Variants in HSD17B14 observed in about 807,000 individuals in gnomAD.
The protein encoded by HSD17B14 is L-fucose dehydrogenase.
In HSD17B14, 32 loss-of-function variants were observed where a neutral mutation model predicts 32.2. The observed-to-expected ratio is 0.99, with a 90% CI of 0.75 to 1.33. HSD17B14 has a LOEUF of 1.33. Among genes scored for constraint, HSD17B14 ranks in the 40% most tolerant of loss-of-function variants. The pLI, the probability that HSD17B14 is intolerant of heterozygous loss-of-function variation, is 0.00. For synonymous variants in HSD17B14, 140 were observed against 155.4 expected (o/e 0.90, Z 0.74); for missense variants, 370 against 366.5 (o/e 1.01, Z -0.08).
chr19:48,828,184 G>A (rs769284500), intron 5 of HSD17B14, among the ~76,000 whole-genome samples: 7 of 152,124 alleles, frequency 4.6e-5, no homozygotes, highest in Admixed American at 3.9e-4. Flanking sequence ...AAAAAAGGAC[G>A]AATCAAGAGA....
intron 5 of HSD17B14, among the ~76,000 whole-genome samples, chr19:48,824,121 G>T (rs1437387460): frequency 6.8e-6 from 1 of 146,816 alleles, no homozygotes; most frequent in Non-Finnish European, 1.5e-5. Flanking sequence ...CGGGCATGGT[G>T]GTACATGTCT....
At chr19:48,820,535 T>A (rs1285267052) in intron 5 of HSD17B14, among the ~76,000 whole-genome samples, 2 of 146,742 alleles carry the variant, frequency 1.4e-5, no homozygotes, top group African/African-American at 5.0e-5. Flanking sequence ...ATGGATAGAT[T>A]TTTTTTTTTT....
rs550582834 is a variant in HSD17B14, at chr19:48,821,013, ATTTTTTT to A, written c.370-5879_370-5873del. ...CACCCCACCCAGCCAGGATGGATAG[ATTTTTTT>A]TTTTTTTTTTTTGACAGAGTCTCAC... On this transcript the variant is annotated intron_variant, in intron 5 of 8. Coordinates refer to ENST00000263278, the MANE Select transcript of HSD17B14 (RefSeq NM_016246.3). 3.2e-5 allele frequency among the ~76,000 whole-genome samples: 4 copies of A among 123,832 alleles called. No individual in the cohort carries two copies. The East Asian group carries it at 7.2e-4, about 22-fold the overall frequency. The allele number at this position is 123,832 out of a possible 152,430, so 81.2% of individuals were successfully genotyped here.
At chr19:48,831,544 C>T (rs985227528) in intron 5 of HSD17B14, 124 bp downstream of exon 5, 1 of 760,082 alleles carries the variant, frequency 1.3e-6, no homozygotes, top group East Asian at 2.6e-5. Context: ...CAGAGAGAGA[C>T]CCTGTCTCCA....
At chr19:48,836,032 A>ACC (rs961058351) in intron 1 of HSD17B14, among the ~76,000 whole-genome samples, 189 bp from the exon 2 acceptor site, 1 of 151,322 alleles carries the variant, frequency 6.6e-6, no homozygotes, top group Non-Finnish European at 1.5e-5. Context: ...AGGCTCCTGA[A>ACC]CCCCCGTTCG....
At chr19:48,816,776 C>CCTTTTTCTTTCTTTCTTTCTTT (rs1487311858) in intron 5 of HSD17B14, among the ~76,000 whole-genome samples, 7 of 62,398 alleles carry the variant, frequency 1.1e-4, no homozygotes, top group Admixed American at 3.1e-4. Context: ...TTAGCAAGAC[C>CCTTTTTCTTTCTTTCTTTCTTT]CTTTTTCTTT....
chr19:48,826,793 C>G (rs997683425), intron 5 of HSD17B14, among the ~76,000 whole-genome samples: 4 of 151,732 alleles, frequency 2.6e-5, no homozygotes, highest in African/African-American at 7.3e-5. Flanking sequence ...GGGCCCGCCC[C>G]CAGGCCTCTC....
chr19:48,834,182 GA>G, intron 3 of HSD17B14, 93 bp downstream of exon 3: 1 of 1,030,212 alleles, frequency 9.7e-7, no homozygotes, highest in Non-Finnish European at 1.5e-6. Context: ...GGAGAGGAAG[GA>G]AAAGTAGAGG....
chr19:48,833,952 T>C (rs2035397033), intron 3 of HSD17B14, among the ~76,000 whole-genome samples: 2 of 152,130 alleles, frequency 1.3e-5, no homozygotes, highest in South Asian at 4.1e-4. Flanking sequence ...ATCACACCAC[T>C]GCACTCCAGC....
intron 5 of HSD17B14, among the ~76,000 whole-genome samples, chr19:48,821,084 C>T (rs2035140444): frequency 6.7e-6 from 1 of 149,006 alleles, no homozygotes; most frequent in Non-Finnish European, 1.5e-5. Flanking sequence ...GCGATCTCAG[C>T]TTACTGCAAC....
chr19:48,832,080 A>G (rs1281450051), intron 4 of HSD17B14, among the ~76,000 whole-genome samples: 5 of 63,032 alleles, frequency 7.9e-5, no homozygotes, highest in East Asian at 5.3e-4. Context: ...CCCATCTCAG[A>G]AAAAAAAAAA....
chr19:48,829,895 G>A lies in HSD17B14; in HGVS notation c.369+1773C>T, dbSNP rs536865609. On this transcript the variant is annotated intron_variant, in intron 5 of 8. Transcript: ENST00000263278. ...CGACCTCAGGTGATCCGCCTGCCTC[G>A]GCCTCCCAAAGTGCTGGGATTACAG... Among the ~76,000 whole-genome samples, 349 of 152,046 alleles carry A rather than the reference G, an allele frequency of 2.3e-3. 2 individuals are homozygous for A. Among genetic ancestry groups the A allele is most frequent in the African/African-American group, 7.2e-3 (297 of 41,498 alleles).
intron 2 of HSD17B14, among the ~76,000 whole-genome samples, chr19:48,834,787 AG>A (rs2035443203): frequency 5.9e-5 from 1 of 17,010 alleles, no homozygotes; most frequent in Non-Finnish European, 1.2e-4. Flanking sequence ...AGGGGCTGGG[AG>A]CCTGGACTCC....
At chr19:48,823,800 G>A (rs1003989135) in intron 5 of HSD17B14, among the ~76,000 whole-genome samples, 11 of 150,864 alleles carry the variant, frequency 7.3e-5, no homozygotes, top group South Asian at 2.1e-4. Flanking sequence ...ACCCTGCCCC[G>A]CTAATTTTTT....
chr19:48,816,283 A>T (rs186279155), intron 5 of HSD17B14, among the ~76,000 whole-genome samples: 4 of 152,194 alleles, frequency 2.6e-5, no homozygotes, highest in Admixed American at 1.3e-4. Flanking sequence ...AGGCTCTCCG[A>T]GTGGGAATCT....
intron 5 of HSD17B14, among the ~76,000 whole-genome samples, chr19:48,830,001 C>G (rs1282037477): frequency 6.6e-6 from 1 of 150,892 alleles, no homozygotes; most frequent in African/African-American, 2.4e-5. Flanking sequence ...CAAGGTCTCA[C>G]TCTGTCACCT....
chr19:48,834,433 G>A (rs1158742253), intron 2 of HSD17B14, 75 bp from the exon 3 acceptor site: 4 of 889,178 alleles, frequency 4.5e-6, no homozygotes, highest in African/African-American at 1.8e-5. Flanking sequence ...GGACTCCTGG[G>A]TCTGAGGGAG....
Position 48,813,212 on chromosome 19 carries a change from C to T in HSD17B14, c.776G>A (p.Arg259Gln), listed in dbSNP as rs141811939. The T allele has an allele frequency of 4.4e-6, 7 of 1,608,810 alleles. No individual in the cohort carries two copies. In the East Asian group the frequency reaches 8.9e-5, roughly 21 times the overall value. ...AELGYGCKAS[R>Q]STPVDAPDIP... ...ATCGGGGGCGTCCACGGGGGTGCTCCGACTGGCCTTGCACCCGTACCCCAG... is the reference window on the plus strand; with the variant it reads ...ATCGGGGGCGTCCACGGGGGTGCTCTGACTGGCCTTGCACCCGTACCCCAG... The change falls in exon 9 of 9, where the codon CGG (arginine) becomes CAG (glutamine). Residue 259 changes from arginine (R) to glutamine (Q), a missense_variant. By Grantham distance (43) the Arg-to-Gln change is conservative (BLOSUM62 1). Transcript: ENST00000263278.
At chr19:48,830,319 G>T (rs1002644015) in intron 5 of HSD17B14, among the ~76,000 whole-genome samples, 4 of 152,118 alleles carry the variant, frequency 2.6e-5, no homozygotes, top group Non-Finnish European at 5.9e-5. Flanking sequence ...CCGCGTTTCT[G>T]TCTGGTTGAT....
Sources: allele counts gnomAD v4.1 joint callset (sites outside exome capture counted in the v4.1 genomes callset), GRCh38; gene constraint gnomAD v4.1.1; transcripts MANE v1.5; gene names NCBI Gene and HGNC (gene_info 2026-07-23, HGNC 2026-07-21).